CSMD1: variants seen among roughly 807,000 people sequenced by gnomAD.
The protein encoded by CSMD1 is CUB and sushi domain-containing protein 1.
CSMD1 carries 213 observed loss-of-function variants against 417.5 expected under a neutral mutation model. That is an observed-to-expected ratio of 0.51 (90% confidence interval 0.46 to 0.57). The LOEUF (loss-of-function observed/expected upper bound fraction) is 0.57, where lower values mean the gene tolerates loss of function less well. Ranked by LOEUF, CSMD1 falls within the 20% of genes least tolerant of loss-of-function variation. CSMD1 has a pLI of 0.00. For synonymous variants in CSMD1, 2,862 were observed against 1,736.8 expected (o/e 1.65, Z -16.11); for missense variants, 6,923 against 4,529.7 (o/e 1.53, Z -15.17).
At chr8:4,077,644 C>T (rs1312697551) in intron 3 of CSMD1, among the ~76,000 whole-genome samples, 1 of 152,038 alleles carries the variant, frequency 6.6e-6, no homozygotes, top group African/African-American at 2.4e-5. Context: ...ACCCGGGTGA[C>T]AAAAGGGAGG....
rs1237672187 is a variant in CSMD1, at chr8:3,409,537, G to A, written c.1630C>T (p.Leu544Phe). The A allele has an allele frequency of 1.9e-6, 3 of 1,611,348 alleles. No individual in the cohort carries two copies. Among genetic ancestry groups the A allele is most frequent in the Middle Eastern group, 1.7e-4 (1 of 6,046 alleles). The change falls in exon 13 of 70, where the codon CTC becomes TTC. Residue 544 changes from leucine (L) to phenylalanine (F), a missense_variant. Leu to Phe is a conservative substitution (Grantham distance 22). Transcript: ENST00000635120. ...TCAAAGGTGAGTGTATCTCCATGGA[G>A]GAAACTGCTGCCCGTCCGCTTCCCA... Reference protein sequence around the residue: ...AYGKRTGSSFLHGDTLTFECP... With the variant: ...AYGKRTGSSFFHGDTLTFECP...
intron 1 of CSMD1, among the ~76,000 whole-genome samples, chr8:4,944,047 A>T (rs1200159907): frequency 6.6e-6 from 1 of 152,168 alleles, no homozygotes; most frequent in African/African-American, 2.4e-5. Context: ...AAGTCTGGGG[A>T]AAGAAGTGAG....
chr8:4,741,652 G>C (rs1257906543), intron 1 of CSMD1, among the ~76,000 whole-genome samples: 6 of 152,142 alleles, frequency 3.9e-5, no homozygotes, highest in Admixed American at 6.6e-5. Flanking sequence ...AGTTTACTTA[G>C]GAATTTAAGA....
chr8:4,792,367 C>T (rs1797738588), intron 1 of CSMD1, among the ~76,000 whole-genome samples: 1 of 152,186 alleles, frequency 6.6e-6, no homozygotes, highest in African/African-American at 2.4e-5. Context: ...AAAAATAAAA[C>T]TCTAGTTTCA....
At chr8:3,693,548 A>C (rs1349479017) in intron 7 of CSMD1, among the ~76,000 whole-genome samples, 2 of 152,184 alleles carry the variant, frequency 1.3e-5, no homozygotes, top group Non-Finnish European at 2.9e-5. Context: ...ACTGAGCCCT[A>C]CAATGTCCCC....
chr8:3,955,957 C>G (rs1811915668), intron 5 of CSMD1, among the ~76,000 whole-genome samples: 1 of 152,150 alleles, frequency 6.6e-6, no homozygotes, highest in Non-Finnish European at 1.5e-5. Context: ...CCACGCCCAA[C>G]TAATTGTTTG....
At chr8:4,904,365 T>C (rs543188647) in intron 1 of CSMD1, among the ~76,000 whole-genome samples, 1 of 152,240 alleles carries the variant, frequency 6.6e-6, no homozygotes, top group East Asian at 1.9e-4. Context: ...TGCAAGAAGG[T>C]TGGGTTTTAA....
chr8:4,650,689 C>T (rs181936409), intron 1 of CSMD1, among the ~76,000 whole-genome samples: 1 of 151,180 alleles, frequency 6.6e-6, no homozygotes, highest in East Asian at 1.9e-4. Context: ...GTAGTTGATT[C>T]TGTGTGTGAT....
chr8:4,068,620 A>C (rs911601360), intron 3 of CSMD1, among the ~76,000 whole-genome samples: 5 of 152,196 alleles, frequency 3.3e-5, no homozygotes, highest in African/African-American at 1.2e-4. Flanking sequence ...TAGTTCATAT[A>C]ATGTTACCAT....
At chr8:4,107,126 G>A (rs1191656013) in intron 3 of CSMD1, among the ~76,000 whole-genome samples, 3 of 152,146 alleles carry the variant, frequency 2.0e-5, no homozygotes, top group East Asian at 3.8e-4. Flanking sequence ...TAACAACCAA[G>A]CATAGTACTG....
At chr8:4,354,874 G>GTGTGTGTGTT (rs1554442757) in intron 3 of CSMD1, among the ~76,000 whole-genome samples, 7 of 137,850 alleles carry the variant, frequency 5.1e-5, no homozygotes, top group African/African-American at 2.1e-4. Flanking sequence ...TAGTGTGTGT[G>GTGTGTGTGTT]TGTGTGTGTG....
chr8:4,488,304 G>T (rs947977990), intron 2 of CSMD1, among the ~76,000 whole-genome samples: 2 of 152,048 alleles, frequency 1.3e-5, no homozygotes, highest in African/African-American at 4.8e-5. Flanking sequence ...TATAACCACA[G>T]GAGTAGTTAA....
At chr8:4,296,834 T>C (rs1797714261) in intron 3 of CSMD1, among the ~76,000 whole-genome samples, 2 of 151,846 alleles carry the variant, frequency 1.3e-5, no homozygotes, top group African/African-American at 4.8e-5. Flanking sequence ...AAGATATCTG[T>C]GGAGGGCCTG....
At chr8:3,895,523 G>C (rs942672827) in intron 5 of CSMD1, among the ~76,000 whole-genome samples, 2 of 151,912 alleles carry the variant, frequency 1.3e-5, no homozygotes, top group Admixed American at 6.6e-5. Flanking sequence ...TCTATCCTTA[G>C]GGAATAAATA....
chr8:4,871,725 T>A (rs990939280), intron 1 of CSMD1, among the ~76,000 whole-genome samples: 10 of 152,124 alleles, frequency 6.6e-5, no homozygotes, highest in African/African-American at 2.2e-4. Context: ...CAATGCATAA[T>A]TTCAGAGTTC....
intron 39 of CSMD1, among the ~76,000 whole-genome samples, chr8:3,156,398 C>A (rs1254690336): frequency 6.6e-6 from 1 of 152,214 alleles, no homozygotes; most frequent in Non-Finnish European, 1.5e-5. Flanking sequence ...TGAGTGTCTA[C>A]CATGTGCTGA....
At chr8:4,470,707 C>CA (rs1215438476) in intron 2 of CSMD1, among the ~76,000 whole-genome samples, 2 of 152,028 alleles carry the variant, frequency 1.3e-5, no homozygotes, top group Non-Finnish European at 2.9e-5. Flanking sequence ...AGAGTAAAGA[C>CA]AAAAAGAAGA....
chr8:4,440,649 C>T (rs78854584), intron 2 of CSMD1, among the ~76,000 whole-genome samples: 1 of 152,178 alleles, frequency 6.6e-6, no homozygotes, highest in Non-Finnish European at 1.5e-5. Flanking sequence ...AAATTGATTG[C>T]ATACATTTGT....
intron 4 of CSMD1, among the ~76,000 whole-genome samples, chr8:4,025,617 A>T (rs1373505068): frequency 6.6e-6 from 1 of 152,218 alleles, no homozygotes; most frequent in Non-Finnish European, 1.5e-5. Context: ...CTGGCAGAAC[A>T]TGCCAATAAT....
Sources: allele counts gnomAD v4.1 joint callset (sites outside exome capture counted in the v4.1 genomes callset), GRCh38; gene constraint gnomAD v4.1.1; transcripts MANE v1.5; gene names NCBI Gene and HGNC (gene_info 2026-07-23, HGNC 2026-07-21).